Variants in MRPS5 observed in about 807,000 individuals in gnomAD.
MRPS5 encodes the protein small ribosomal subunit protein uS5m.
Under a neutral mutation model 51.9 loss-of-function variants are expected in MRPS5, and 27 were observed. That is an observed-to-expected ratio of 0.52 (90% CI 0.38 to 0.72). MRPS5 has a LOEUF of 0.72. MRPS5 is among the 30% of genes least tolerant of loss of function. The probability of loss-of-function intolerance (pLI) is 0.00; values close to 1 mark genes in which losing one functional copy is unlikely to be tolerated. For synonymous variants in MRPS5, 196 were observed against 193.2 expected (o/e 1.01, Z -0.12); for missense variants, 570 against 545.7 (o/e 1.04, Z -0.44).
At position 95,110,018 on chromosome 2, in the gene MRPS5, CT is replaced by C; in HGVS notation, c.300del (p.Gly101AlafsTer3). ...CCAGCACCAGTCTCTGCTAAAGCGCCTTTCCACAGCTCATCTGCAGTCACTG... is the reference window on the plus strand; with the variant it reads ...CCAGCACCAGTCTCTGCTAAAGCGCCTTCCACAGCTCATCTGCAGTCACTG... ...FTKLTADELW[K>X]GALAETGAGA... On this transcript the variant is annotated frameshift_variant, in exon 4 of 12. Transcript: ENST00000272418. LOFTEE classifies it high-confidence loss of function. 1 of 1,613,576 alleles carries C rather than the reference CT, an allele frequency of 6.2e-7. No individual in the cohort carries two copies. Among genetic ancestry groups the C allele is most frequent in the Non-Finnish European group, 8.5e-7 (1 of 1,179,908 alleles).
At chr2:95,121,141 A>C (rs1676436090) in intron 1 of MRPS5, among the ~76,000 whole-genome samples, 1 of 152,012 alleles carries the variant, frequency 6.6e-6, no homozygotes. Flanking sequence ...AAAACAAAAA[A>C]ACAAAGGAGG....
chr2:95,115,342 CT>C (rs1389406545), intron 2 of MRPS5, 139 bp from the exon 3 acceptor site: 2 of 860,584 alleles, frequency 2.3e-6, no homozygotes, highest in African/African-American at 1.8e-5. Context: ...AGGAGTCTTT[CT>C]TTTAAAAATA....
chr2:95,121,691 C>G lies in MRPS5; in HGVS notation c.58+43G>C, dbSNP rs1278907616. On this transcript the variant is annotated intron_variant, in intron 1 of 11. Coordinates refer to ENST00000272418, the MANE Select transcript of MRPS5 (RefSeq NM_031902.5). ...CAGGCCCCAGGCGAGCCCCCCACTCCCGGCCCGCTCAGAGCCCCTGCTCCC... is the reference window on the plus strand; with the variant it reads ...CAGGCCCCAGGCGAGCCCCCCACTCGCGGCCCGCTCAGAGCCCCTGCTCCC... 4 of 1,522,858 alleles carry G rather than the reference C, an allele frequency of 2.6e-6. No individual in the cohort carries two copies. The African/African-American group carries it at 5.7e-5, about 22-fold the overall frequency. The allele number at this position is 1,522,858 out of a possible 1,614,324, so 94.3% of individuals were successfully genotyped here.
intron 10 of MRPS5, among the ~76,000 whole-genome samples, chr2:95,095,777 A>G (rs1332462616): frequency 6.6e-6 from 1 of 152,212 alleles, no homozygotes; most frequent in Non-Finnish European, 1.5e-5. Flanking sequence ...TCGACACCCT[A>G]ACATCATAAT....
At chr2:95,110,065 T>C in intron 3 of MRPS5, 24 bp from the exon 4 acceptor site, 1 of 1,599,340 alleles carries the variant, frequency 6.3e-7, no homozygotes, top group East Asian at 2.2e-5. Context: ...GGGTTTCTTT[T>C]CTTAATTCTG....
At chr2:95,092,704 T>C (rs1285514721) in intron 10 of MRPS5, 1 of 152,198 alleles carries the variant, frequency 6.6e-6, no homozygotes, top group East Asian at 1.9e-4. Context: ...AGGTAGGTTC[T>C]TCAATTAAAT....
intron 2 of MRPS5, among the ~76,000 whole-genome samples, chr2:95,117,369 T>C (rs1472809613): frequency 2.6e-5 from 4 of 151,628 alleles, no homozygotes; most frequent in African/African-American, 9.7e-5. Context: ...CTAAGGAAAC[T>C]GTTGTAGGAA....
In MRPS5 at chr2:95,102,010, A is replaced by G. The variant is rs529674898; in HGVS notation, c.764-287T>C. On this transcript the variant is annotated intron_variant, in intron 7 of 11. Transcript: ENST00000272418. ...CTCTATTAAGAACAAAATTTAAAAA[A>G]TTAGCCAGGCATGCTGGTGCATGAC... The G allele has an allele frequency of 8.8e-5, 26 of 297,044 alleles. No homozygotes were observed. The South Asian group carries it at 1.3e-3, about 15-fold the overall frequency. 18.4% of individuals were successfully genotyped at this position (297,044 alleles called of 1,614,324 possible).
At chr2:95,120,252 A>G (rs898249098) in intron 1 of MRPS5, among the ~76,000 whole-genome samples, 2 of 152,278 alleles carry the variant, frequency 1.3e-5, no homozygotes, top group Non-Finnish European at 2.9e-5. Flanking sequence ...TATTCATACA[A>G]TATCATTCAG....
chr2:95,113,244 AG>A (rs1283392651), intron 3 of MRPS5, among the ~76,000 whole-genome samples: 1 of 152,052 alleles, frequency 6.6e-6, no homozygotes, highest in Non-Finnish European at 1.5e-5. Context: ...TGGGAGGCCG[AG>A]GCGGGTGGAT....
chr2:95,090,235 A>C (rs1285612109), intron 11 of MRPS5, 151 bp downstream of exon 11: 2 of 631,290 alleles, frequency 3.2e-6, no homozygotes, highest in East Asian at 5.2e-5. Flanking sequence ...GGATTTAACT[A>C]AACTGATGCA....
intron 1 of MRPS5, 140 bp downstream of exon 1, chr2:95,121,594 C>G: frequency 2.2e-6 from 2 of 922,436 alleles, no homozygotes; most frequent in Non-Finnish European, 3.1e-6. Flanking sequence ...ACAGCGGCTC[C>G]GGCGGAAGGT....
chr2:95,090,045 C>T (rs1194230317), intron 11 of MRPS5, among the ~76,000 whole-genome samples: 7 of 150,444 alleles, frequency 4.7e-5, no homozygotes, highest in African/African-American at 1.5e-4. Context: ...GGCGTAGTGG[C>T]GGGCGCCTGT....
chr2:95,115,053 C>A lies in MRPS5; in HGVS notation c.277+13G>T. The A allele has an allele frequency of 6.7e-7, 1 of 1,495,438 alleles. No individual in the cohort carries two copies. Among genetic ancestry groups the A allele is most frequent in the Non-Finnish European group, 8.9e-7 (1 of 1,121,880 alleles). 92.6% of individuals were successfully genotyped at this position (1,495,438 alleles called of 1,614,324 possible). A position where few individuals can be genotyped will look rare whatever the true frequency, so the allele number is the denominator to read the frequency against. The stretch of plus-strand genomic sequence containing the variant: ...GTTTCAAGAAACAGGAAGTTTGTGG[C>A]CATTCTACATACATTTAGTGAAGAA... On this transcript the variant is annotated intron_variant, in intron 3 of 11. Coordinates refer to ENST00000272418, the MANE Select transcript of MRPS5 (RefSeq NM_031902.5).
At chr2:95,101,775 G>T in intron 7 of MRPS5, 52 bp from the exon 8 acceptor site, 1 of 1,339,698 alleles carries the variant, frequency 7.5e-7, no homozygotes, top group South Asian at 1.3e-5. Context: ...TTGCCCATGT[G>T]GTTTTTGCCA....
At chr2:95,092,813 G>A (rs1024159910) in intron 10 of MRPS5, 2 of 152,284 alleles carry the variant, frequency 1.3e-5, no homozygotes, top group African/African-American at 2.4e-5. Flanking sequence ...GCAGAAGACA[G>A]GTGATTTCTG....
At chr2:95,103,540 A>G (rs1345114585) in intron 7 of MRPS5, among the ~76,000 whole-genome samples, 1 of 152,252 alleles carries the variant, frequency 6.6e-6, no homozygotes, top group Non-Finnish European at 1.5e-5. Flanking sequence ...CAGCACTTAA[A>G]ATACATATAA....
intron 5 of MRPS5, among the ~76,000 whole-genome samples, chr2:95,107,917 T>C (rs551006907): frequency 6.6e-6 from 1 of 152,230 alleles, no homozygotes; most frequent in East Asian, 1.9e-4. Context: ...AGGTCCACAG[T>C]GCACATCCCC....
rs1553422992 is a variant in MRPS5, at chr2:95,110,049, G to A, written c.278-8C>T. The A allele has an allele frequency of 1.2e-5, 20 of 1,602,836 alleles. No homozygotes were observed. Among genetic ancestry groups the A allele is most frequent in the South Asian group, 2.3e-5 (2 of 88,070 alleles). On this transcript the variant is annotated splice_polypyrimidine_tract_variant and splice_region_variant and intron_variant, in intron 3 of 11. Coordinates refer to ENST00000272418, the MANE Select transcript of MRPS5 (RefSeq NM_031902.5). ...ACAGCTCATCTGCAGTCACTGTAAC[G>A]AAACAGGGTTTCTTTTCTTAATTCT... is the stretch of plus-strand genomic sequence containing the variant.
Sources: allele counts gnomAD v4.1 joint callset (sites outside exome capture counted in the v4.1 genomes callset), GRCh38; gene constraint gnomAD v4.1.1; transcripts MANE v1.5; gene names NCBI Gene and HGNC (gene_info 2026-07-23, HGNC 2026-07-21).